The following MYO1F variants were observed in gnomAD, a reference collection of about 807,000 sequenced individuals.
MYO1F encodes the protein myosin IF, also known as unconventional myosin-If.
Under a neutral mutation model 146.6 loss-of-function variants are expected in MYO1F, and 60 were observed. That is an observed-to-expected ratio of 0.41 (90% CI 0.33 to 0.51). The LOEUF (loss-of-function observed/expected upper bound fraction) is 0.51. Ranked by LOEUF, MYO1F falls within the 20% of genes least tolerant of loss-of-function variation. The pLI, the probability that MYO1F is intolerant of heterozygous loss-of-function variation, is 0.25. For synonymous variants in MYO1F, 602 were observed against 602.1 expected, an observed-to-expected ratio of 1.00 and a Z score of 0.00; for missense variants, 1,274 against 1,534.3, an observed-to-expected ratio of 0.83 and a Z score of 2.83.
In MYO1F at chr19:8,550,222, C is replaced by G; in HGVS notation, c.1039G>C (p.Ala347Pro). The change falls in exon 10 of 28, where the codon GCC becomes CCC. Residue 347 changes from alanine (A) to proline (P), a missense_variant. Ala to Pro is a conservative substitution (Grantham distance 27). Transcript: ENST00000644032. ...TTGGCCAGGGCATCACGGGTGTAGG[C>G]TGCCTGCTCCACGTTGAGGGTCACA... Reference protein sequence around the residue: ...INVTLNVEQAAYTRDALAKGL... With the variant: ...INVTLNVEQAPYTRDALAKGL... 6.2e-7 allele frequency: 1 copy of G among 1,614,206 alleles called. No homozygotes were observed. The highest frequency in any genetic ancestry group is 8.5e-7 in the Non-Finnish European group (1 of 1,180,042).
chr19:8,571,881 G>A (rs2042116523), intron 1 of MYO1F, among the ~76,000 whole-genome samples: 1 of 152,174 alleles, frequency 6.6e-6, no homozygotes, highest in Admixed American at 6.5e-5. Context: ...ATAGGTGTAA[G>A]CCACCGCGCC....
At chr19:8,558,434 G>A (rs1459604816) in intron 1 of MYO1F, among the ~76,000 whole-genome samples, 1 of 152,074 alleles carries the variant, frequency 6.6e-6, no homozygotes, top group Non-Finnish European at 1.5e-5. Context: ...CCAAAGTGCT[G>A]GAATTTCAGG....
rs1182479255 is a variant in MYO1F, at chr19:8,554,489, C to G, written c.314G>C (p.Cys105Ser). ...RNMLIDCENQ[C>S]VIISGESGAG... ...ACTCTGTCCATACCTAATGATGACA[C>G]ACTGGTTCTCACAGTCGATAAGCAT... The change falls in exon 4 of 28, where the codon TGT becomes TCT. Residue 105 changes from cysteine (C) to serine (S), a missense_variant. By Grantham distance (112) the Cys-to-Ser change is moderately radical (BLOSUM62 -1). Transcript: ENST00000644032. 1.2e-6 allele frequency: 2 copies of G among 1,610,112 alleles called. No individual in the cohort carries two copies. The highest frequency in any genetic ancestry group is 2.7e-5 in the African/African-American group (2 of 74,802).
Position 8,530,368 on chromosome 19 carries a change from G to C in MYO1F, c.2159-3C>G. 6.2e-7 allele frequency: 1 copy of C among 1,614,126 alleles called. No homozygotes were observed. Among genetic ancestry groups the C allele is most frequent in the Non-Finnish European group, 8.5e-7 (1 of 1,180,036 alleles). Reference sequence around the variant, plus strand: ...CTTGTTCAGCAGGATGTTGGAAGCTGCGGGGACAGAGGGTGGAGGGCAGAG... The same window carrying C: ...CTTGTTCAGCAGGATGTTGGAAGCTCCGGGGACAGAGGGTGGAGGGCAGAG... On this transcript the variant is annotated splice_region_variant and splice_polypyrimidine_tract_variant and intron_variant, in intron 20 of 27. Coordinates refer to ENST00000644032, the MANE Select transcript of MYO1F (RefSeq NM_012335.4). The surrounding 1 kb of genome is among the most constrained non-coding windows in gnomAD (Gnocchi z 5.8).
At chr19:8,541,830 A>G in intron 15 of MYO1F, 76 bp downstream of exon 15, 1 of 1,355,026 alleles carries the variant, frequency 7.4e-7, no homozygotes, top group African/African-American at 1.4e-5. Flanking sequence ...TCTGGGTAAG[A>G]TGGAGTGGGG....
rs373408110 is a variant in MYO1F, at chr19:8,555,674, C to T, written c.126G>A (p.Met42Ile). 87 of 1,614,038 alleles carry T rather than the reference C, an allele frequency of 5.4e-5. No homozygotes were observed. The African/African-American group carries it at 1.1e-3, about 20-fold the overall frequency. ...CCCAGGGTACGAAGATGTAGTCGTC[C>T]ATGAAGCGCTTCCGGAGGTTGGCGG... is the stretch of plus-strand genomic sequence containing the variant. ...AIAANLRKRF[M>I]DDYIFTYIGS... Residue 42 changes from methionine to isoleucine, a missense_variant, in exon 2 of 28, where the codon ATG (methionine) becomes ATA (isoleucine). Physicochemically the swap from Met to Ile is conservative, Grantham distance 10. Around this residue, in one of 2 missense-constraint regions of MYO1F, gnomAD observed 900 missense variants for 1,155.1 expected, o/e 0.78. Coordinates refer to ENST00000644032, the MANE Select transcript of MYO1F (RefSeq NM_012335.4).
chr19:8,523,133 G>A (rs1017970738), intron 25 of MYO1F, among the ~76,000 whole-genome samples: 5 of 151,476 alleles, frequency 3.3e-5, no homozygotes, highest in African/African-American at 9.7e-5. Context: ...CTGGGTTCAC[G>A]CCATTCTCCT....
At chr19:8,551,274 A>G (rs1354379182) in intron 8 of MYO1F, 7 of 219,420 alleles carry the variant, frequency 3.2e-5, no homozygotes. Flanking sequence ...CTGGTCTTGA[A>G]CTCCTGACCT....
chr19:8,522,503 C>CA lies in MYO1F; in HGVS notation c.3093dup (p.Val1032CysfsTer38). 6.2e-7 allele frequency: 1 copy of CA among 1,613,676 alleles called. No individual in the cohort carries two copies. On this transcript the variant is annotated frameshift_variant, in exon 27 of 28. Transcript: ENST00000644032. LOFTEE classifies it high-confidence loss of function. ...CGAGGCTGGGGCTTGGGTCGGCCCA[C>CA]ACCAGGCACTGGCCGTTGCCCCACG... is the stretch of plus-strand genomic sequence containing the variant.
At position 8,530,065 on chromosome 19, in the gene MYO1F, G is replaced by A; in HGVS notation, c.2328+131C>T. ...GTGGGCAGGTGCATATGGGCCAGGT[G>A]AGGGTGTACCTGTGATGGAACAGAT... On this transcript the variant is annotated intron_variant, in intron 21 of 27. Coordinates refer to ENST00000644032, the MANE Select transcript of MYO1F (RefSeq NM_012335.4). The surrounding 1 kb of genome is among the most constrained non-coding windows in gnomAD (Gnocchi z 5.8). 7.8e-7 allele frequency: 1 copy of A among 1,279,364 alleles called. No homozygotes were observed. The highest frequency in any genetic ancestry group is 1.1e-6 in the Non-Finnish European group (1 of 887,972). The allele number at this position is 1,279,364 out of a possible 1,614,324, so 79.3% of individuals were successfully genotyped here.
chr19:8,574,667 CTCTCT>C (rs2042198723), intron 1 of MYO1F, among the ~76,000 whole-genome samples: 1 of 134,824 alleles, frequency 7.4e-6, no homozygotes, highest in Non-Finnish European at 1.6e-5. Context: ...TTTCTTCTTT[CTCTCT>C]TTCTTTCTTT....
At chr19:8,544,269 C>CAGGGT in intron 14 of MYO1F, 28 bp downstream of exon 14, 1 of 1,610,120 alleles carries the variant, frequency 6.2e-7, no homozygotes, top group South Asian at 1.1e-5. Context: ...CGAGGAGGCA[C>CAGGGT]AGGGTAGGGT....
chr19:8,534,596 G>A (rs1972626323), intron 19 of MYO1F, among the ~76,000 whole-genome samples: 1 of 151,154 alleles, frequency 6.6e-6, no homozygotes, highest in South Asian at 2.1e-4. Flanking sequence ...GTGAGCCACC[G>A]TGCCTGGCCT....
rs542508436 is a variant in MYO1F at position 8,546,029 on chromosome 19, C to T, written c.1270-293G>A. On this transcript the variant is annotated intron_variant, in intron 12 of 27. Transcript: ENST00000644032. ...TGCATTCCGGTTGTCCACAGCATAA[C>T]GTGCTCATTAACACACTATTTTGAC... Among the ~76,000 whole-genome samples, 45 of 150,070 alleles carry T rather than the reference C, an allele frequency of 3.0e-4. 1 individual carries two copies. The highest frequency in any genetic ancestry group is 2.4e-3 in the Admixed American group (36 of 15,000).
intron 5 of MYO1F, 32 bp from the exon 6 acceptor site, chr19:8,553,260 T>A: frequency 1.2e-6 from 2 of 1,612,674 alleles, no homozygotes; most frequent in Non-Finnish European, 1.7e-6. Context: ...TGGGAAGAAG[T>A]CAGACTGAGG....
intron 1 of MYO1F, among the ~76,000 whole-genome samples, chr19:8,574,589 CTCTCTCTCTT>C (rs1295350742): frequency 6.4e-4 from 54 of 84,568 alleles, no homozygotes; most frequent in African/African-American, 2.7e-3. Flanking sequence ...CTCTCTCTCT[CTCTCTCTCTT>C]TCTTTCTTTC....
At chr19:8,550,724 C>G (rs80079374) in intron 8 of MYO1F, 30 bp from the exon 9 acceptor site, 3 of 1,613,280 alleles carry the variant, frequency 1.9e-6, no homozygotes, top group Non-Finnish European at 1.7e-6. Flanking sequence ...GAAACTGTGC[C>G]GTGAATCCTG....
At chr19:8,556,645 T>C (rs1274785362) in intron 1 of MYO1F, among the ~76,000 whole-genome samples, 1 of 151,832 alleles carries the variant, frequency 6.6e-6, no homozygotes, top group African/African-American at 2.4e-5. Flanking sequence ...CCCAGCACTT[T>C]GGGAGGCCAA....
intron 1 of MYO1F, among the ~76,000 whole-genome samples, chr19:8,571,839 T>C (rs955937638): frequency 5.9e-5 from 9 of 151,550 alleles, no homozygotes; most frequent in African/African-American, 1.9e-4. Context: ...CCTCATGATC[T>C]GCCCGCCTCG....
Sources: allele counts gnomAD v4.1 joint callset (sites outside exome capture counted in the v4.1 genomes callset), GRCh38; gene constraint gnomAD v4.1.1; regional missense constraint gnomAD v4.1.1; non-coding constraint Gnocchi (gnomAD v3.1); transcripts MANE v1.5; gene names NCBI Gene and HGNC (gene_info 2026-07-23, HGNC 2026-07-21).